KHDC4: variants seen among roughly 807,000 people sequenced by gnomAD.
The protein encoded by KHDC4 is KH domain containing 4, pre-mRNA splicing factor, also known as KH homology domain-containing protein 4.
In KHDC4, 19 loss-of-function variants were observed where a neutral mutation model predicts 74.5. The ratio of observed to expected loss-of-function variants is 0.26; its 90% CI spans 0.18 to 0.37. The LOEUF (loss-of-function observed/expected upper bound fraction) is 0.37, where lower values mean the gene tolerates loss of function less well. KHDC4 is among the 10% of genes least tolerant of loss of function. KHDC4 has a pLI of 1.00. For synonymous variants in KHDC4, 253 were observed against 266.1 expected (o/e 0.95, Z 0.48); for missense variants, 632 against 754.1 (o/e 0.84, Z 1.90).
chr1:155,926,400 G>C (rs760184811), intron 6 of KHDC4: 18 of 381,974 alleles, frequency 4.7e-5, no homozygotes, highest in African/African-American at 7.1e-5. Flanking sequence ...CATGGTCTCA[G>C]CTCCCTGCAA....
intron 10 of KHDC4, among the ~76,000 whole-genome samples, chr1:155,919,070 C>T (rs775336711): frequency 6.8e-6 from 1 of 146,392 alleles, no homozygotes; most frequent in Non-Finnish European, 1.5e-5. Context: ...TGGGTTCAAG[C>T]AATTCTCCTG....
intron 6 of KHDC4, 62 bp downstream of exon 6, chr1:155,926,614 G>T (rs568636419): frequency 3.9e-6 from 6 of 1,542,216 alleles, no homozygotes; most frequent in Non-Finnish European, 5.4e-6. Flanking sequence ...ACTGTGCCTG[G>T]CCAGCACATA....
intron 13 of KHDC4, chr1:155,915,653 GC>G: frequency 2.2e-6 from 1 of 460,814 alleles, no homozygotes; most frequent in Admixed American, 4.0e-5. Context: ...AATTACAGGC[GC>G]CCACCACCAT....
In KHDC4 at chr1:155,913,969, A is replaced by C. The variant is rs1421829218; in HGVS notation, c.*152T>G. 4.8e-6 allele frequency: 3 copies of C among 629,760 alleles called. No homozygotes were observed. The highest frequency in any genetic ancestry group is 1.8e-5 in the African/African-American group (1 of 54,220). The allele number at this position is 629,760 out of a possible 1,614,324, so 39.0% of individuals were successfully genotyped here. ...GAAATAAGGATTTTTGTGGTTGTTA[A>C]GGAACCCCTTTAAGAAAGGGGGGCA... is the stretch of plus-strand genomic sequence containing the variant. On this transcript the variant is annotated 3_prime_UTR_variant, in exon 14 of 14. Coordinates refer to ENST00000368321, the MANE Select transcript of KHDC4 (RefSeq NM_014949.4).
intron 10 of KHDC4, among the ~76,000 whole-genome samples, chr1:155,918,209 T>G (rs1477919609): frequency 6.6e-6 from 1 of 152,214 alleles, no homozygotes; most frequent in Non-Finnish European, 1.5e-5. Flanking sequence ...AGCCATGCAT[T>G]GCTTAGCAAT....
intron 13 of KHDC4, chr1:155,914,560 A>G (rs1001347448): frequency 4.8e-6 from 2 of 419,224 alleles, no homozygotes; most frequent in Non-Finnish European, 4.2e-6. Flanking sequence ...AAAGAAACAC[A>G]AAAAAAGAAA....
At chr1:155,920,314 T>A (rs577462250) in intron 10 of KHDC4, among the ~76,000 whole-genome samples, 2 of 151,950 alleles carry the variant, frequency 1.3e-5, no homozygotes, top group South Asian at 4.1e-4. Context: ...GGTGGGTGCC[T>A]GTAGTCCCAG....
At chr1:155,914,479 C>A in intron 13 of KHDC4, 159 bp from the exon 14 acceptor site, 1 of 607,376 alleles carries the variant, frequency 1.6e-6, no homozygotes, top group Non-Finnish European at 2.9e-6. Flanking sequence ...CGTTGAAGAT[C>A]ACACGAAAAA....
intron 7 of KHDC4, among the ~76,000 whole-genome samples, chr1:155,923,923 A>G (rs1169225954): frequency 6.6e-6 from 1 of 152,238 alleles, no homozygotes; most frequent in Non-Finnish European, 1.5e-5. Context: ...ACTTCTCGAT[A>G]TAAAAATGTT....
chr1:155,921,194 T>C (rs753208567), intron 10 of KHDC4, 181 bp downstream of exon 10: 9 of 637,894 alleles, frequency 1.4e-5, no homozygotes, highest in Non-Finnish European at 2.4e-5. Flanking sequence ...AACTTCAGGA[T>C]GACATACACA....
At chr1:155,923,055 A>C (rs940902439) in intron 8 of KHDC4, among the ~76,000 whole-genome samples, 5 of 152,054 alleles carry the variant, frequency 3.3e-5, no homozygotes, top group Non-Finnish European at 7.4e-5. Context: ...AATACAAAAA[A>C]GTAGCCGGGC....
At chr1:155,925,342 T>A (rs906163486) in intron 7 of KHDC4, among the ~76,000 whole-genome samples, 2 of 151,930 alleles carry the variant, frequency 1.3e-5, no homozygotes, top group East Asian at 1.9e-4. Flanking sequence ...ATTTTTAAAA[T>A]TTTTTTGGAG....
At chr1:155,928,315 A>C (rs1292385121) in intron 4 of KHDC4, among the ~76,000 whole-genome samples, 2 of 152,074 alleles carry the variant, frequency 1.3e-5, no homozygotes, top group African/African-American at 4.8e-5. Flanking sequence ...CAGAGGTTGC[A>C]GTGAGCCGAG....
At position 155,916,677 on chromosome 1, in the gene KHDC4, C is replaced by A. The variant is rs765041483; in HGVS notation, c.1501G>T (p.Gly501Cys). Residue 501 changes from glycine (G) to cysteine (C), a missense_variant, in exon 12 of 14, where the codon GGT (glycine) becomes TGT (cysteine). Coordinates refer to ENST00000368321, the MANE Select transcript of KHDC4 (RefSeq NM_014949.4). ...TGFSSQNEIE[G>C]AGSKPASSSG... is the part of the protein sequence containing the mutation. ...GAACTTGCTGGCTTCGATCCTGCAC[C>A]TTCAATCTCATTCTGACTGGAGAAG... 1.2e-6 allele frequency: 2 copies of A among 1,614,014 alleles called. No homozygotes were observed. The highest frequency in any genetic ancestry group is 2.2e-5 in the South Asian group (2 of 91,070).
At chr1:155,919,684 G>A (rs1167723759) in intron 10 of KHDC4, among the ~76,000 whole-genome samples, 2 of 151,926 alleles carry the variant, frequency 1.3e-5, no homozygotes, top group Non-Finnish European at 2.9e-5. Flanking sequence ...GGTGGCAGGC[G>A]CTTGTAGTCC....
At chr1:155,924,786 G>A (rs1673947875) in intron 7 of KHDC4, among the ~76,000 whole-genome samples, 1 of 151,270 alleles carries the variant, frequency 6.6e-6, no homozygotes, top group African/African-American at 2.4e-5. Context: ...GTTGGCCAGG[G>A]TAGTCTCGAA....
chr1:155,931,788 T>G (rs781643445), intron 2 of KHDC4, among the ~76,000 whole-genome samples: 58 of 152,216 alleles, frequency 3.8e-4, no homozygotes, highest in Non-Finnish European at 6.8e-4. Flanking sequence ...TTAAATACAT[T>G]TTTTAAATGT....
In KHDC4 at chr1:155,917,484, G is replaced by A; in HGVS notation, c.1440+15C>T. ...GAATAAGGTGAAGATAGGAAAACAG[G>A]GTATTTTATTTAACCTGGTATCCAA... is the stretch of plus-strand genomic sequence containing the variant. On this transcript the variant is annotated intron_variant, in intron 11 of 13. Transcript: ENST00000368321. 6.3e-7 allele frequency: 1 copy of A among 1,595,324 alleles called. No homozygotes were observed.
intron 5 of KHDC4, 52 bp from the exon 6 acceptor site, chr1:155,926,891 A>G: frequency 6.3e-7 from 1 of 1,590,216 alleles, no homozygotes; most frequent in South Asian, 1.1e-5. Flanking sequence ...ACTAGTGCCC[A>G]GGCAGGCCAG....
Sources: allele counts gnomAD v4.1 joint callset (sites outside exome capture counted in the v4.1 genomes callset), GRCh38; gene constraint gnomAD v4.1.1; transcripts MANE v1.5; gene names NCBI Gene and HGNC (gene_info 2026-07-23, HGNC 2026-07-21).